KIAA1217: variants seen among roughly 807,000 people sequenced by gnomAD.
The protein encoded by KIAA1217 is KIAA1217.
A neutral mutation model predicts 163.9 loss-of-function variants in KIAA1217; 88 were observed. The observed-to-expected ratio is 0.54, with a 90% confidence interval of 0.45 to 0.64. KIAA1217 has a LOEUF of 0.64. Ranked by LOEUF, KIAA1217 falls within the 30% of genes least tolerant of loss-of-function variation. KIAA1217 has a pLI of 0.00. For missense variants in KIAA1217, 2,372 were observed against 2,475.0 expected (o/e 0.96, Z 0.88); for synonymous variants, 903 against 923.1 (o/e 0.98, Z 0.39).
chr10:23,917,916 G>A (rs1004607198), intron 1 of KIAA1217, among the ~76,000 whole-genome samples: 5 of 152,144 alleles, frequency 3.3e-5, no homozygotes, highest in Non-Finnish European at 4.4e-5. Flanking sequence ...ATGTATGTTC[G>A]TATAGAGAGA....
Position 23,970,711 on chromosome 10 carries a change from C to A in KIAA1217, c.-320-36514C>A, listed in dbSNP as rs142643096. ...GTGAATGTATACCCAAAATAAAATT[C>A]TAAGGCCACCAACCAACTGAATAGA... is the stretch of plus-strand genomic sequence containing the variant. On this transcript the variant is annotated intron_variant, in intron 1 of 18. Transcript: ENST00000376462. Among the ~76,000 whole-genome samples, 558 of 152,268 alleles carry A rather than the reference C, an allele frequency of 3.7e-3. 1 individual carries two copies. Among genetic ancestry groups the A allele is most frequent in the Non-Finnish European group, 6.2e-3 (423 of 68,010 alleles).
intron 2 of KIAA1217, among the ~76,000 whole-genome samples, chr10:24,240,323 A>G (rs1160953859): frequency 6.6e-6 from 1 of 152,248 alleles, no homozygotes; most frequent in East Asian, 1.9e-4. Flanking sequence ...GTTCAGAATC[A>G]TCGAAAGATA....
At chr10:24,179,496 T>C (rs1004888203) in intron 2 of KIAA1217, among the ~76,000 whole-genome samples, 9 of 152,238 alleles carry the variant, frequency 5.9e-5, no homozygotes, top group Non-Finnish European at 1.3e-4. Flanking sequence ...TCCTGAGGCC[T>C]CCCCAGCCAT....
intron 5 of KIAA1217, among the ~76,000 whole-genome samples, chr10:24,442,309 C>T (rs1269225588): frequency 6.6e-6 from 1 of 152,184 alleles, no homozygotes; most frequent in African/African-American, 2.4e-5. Flanking sequence ...ACTCTTCTTC[C>T]TCTTGCCTGT....
chr10:24,266,631 TC>T (rs2076261531), intron 2 of KIAA1217, among the ~76,000 whole-genome samples: 2 of 152,036 alleles, frequency 1.3e-5, no homozygotes, highest in African/African-American at 4.8e-5. Flanking sequence ...CAATTAGTGC[TC>T]TGTAAAACAC....
chr10:24,113,506 G>A (rs2062935619), intron 2 of KIAA1217, among the ~76,000 whole-genome samples: 1 of 152,212 alleles, frequency 6.6e-6, no homozygotes. Context: ...GATGAGTATT[G>A]TAGAAGATGA....
intron 1 of KIAA1217, among the ~76,000 whole-genome samples, chr10:23,947,285 A>G (rs1487635672): frequency 6.6e-6 from 1 of 152,222 alleles, no homozygotes; most frequent in East Asian, 1.9e-4. Context: ...ATTTATGACT[A>G]GAAGAAAAGA....
intron 1 of KIAA1217, among the ~76,000 whole-genome samples, chr10:23,822,422 G>T (rs1837664653): frequency 6.6e-6 from 1 of 152,122 alleles, no homozygotes; most frequent in African/African-American, 2.4e-5. Flanking sequence ...TATCAGAGTG[G>T]GAATTTGTGC....
chr10:23,933,723 C>G lies in KIAA1217; in HGVS notation c.-320-73502C>G, dbSNP rs751816303. On this transcript the variant is annotated intron_variant, in intron 1 of 18. Transcript: ENST00000376462. ...AAAAAAAATCCCATCAAAAAGAGGG[C>G]AAAGGATATGAACTGACACTTCTCA... Among the ~76,000 whole-genome samples, 110 of 152,036 alleles carry G rather than the reference C, an allele frequency of 7.2e-4. 1 individual carries two copies. The highest frequency in any genetic ancestry group is 2.6e-4 in the Admixed American group (4 of 15,266).
chr10:23,723,092 C>T (rs533527966), intron 1 of KIAA1217, among the ~76,000 whole-genome samples: 4 of 152,148 alleles, frequency 2.6e-5, no homozygotes, highest in African/African-American at 9.7e-5. Flanking sequence ...CACTGGCCAG[C>T]AGAAAGTAAT....
chr10:24,508,491 C>CTGA (rs1296668750), intron 9 of KIAA1217, among the ~76,000 whole-genome samples: 4 of 152,130 alleles, frequency 2.6e-5, no homozygotes, highest in African/African-American at 4.8e-5. Context: ...GTAGCAAGTT[C>CTGA]AGTATGGCTA....
intron 3 of KIAA1217, among the ~76,000 whole-genome samples, chr10:24,402,893 G>A (rs895780573): frequency 6.6e-6 from 1 of 152,214 alleles, no homozygotes; most frequent in African/African-American, 2.4e-5. Flanking sequence ...CACTTTGGGA[G>A]GCTGATGTGG....
intron 1 of KIAA1217, among the ~76,000 whole-genome samples, chr10:23,985,995 A>T (rs1367868216): frequency 1.3e-5 from 2 of 152,252 alleles, no homozygotes; most frequent in East Asian, 3.8e-4. Context: ...AGTGAGACAA[A>T]TAACACAATT....
chr10:24,272,185 A>G (rs956992086), intron 2 of KIAA1217, among the ~76,000 whole-genome samples: 66 of 152,298 alleles, frequency 4.3e-4, no homozygotes, highest in African/African-American at 1.5e-3. Context: ...ATGCAGTAAA[A>G]TTAGATAAGG....
At chr10:24,229,512 TTTTG>T (rs893578777) in intron 2 of KIAA1217, among the ~76,000 whole-genome samples, 4 of 152,320 alleles carry the variant, frequency 2.6e-5, no homozygotes, top group African/African-American at 9.6e-5. Flanking sequence ...TTTATTTTTA[TTTTG>T]TTTATTTATT....
In KIAA1217 at chr10:24,543,575, C is replaced by T. The variant is rs113019857; in HGVS notation, c.4305C>T (p.Val1435=). The change falls in exon 19 of 21, where the codon GTC becomes GTT. Residue 1435 remains valine (V), a synonymous_variant. Transcript: ENST00000376454. The stretch of plus-strand genomic sequence containing the variant: ...AAGGGACTGACAATGAGGATCCAGT[C>T]GTGTGCCTGGACAAGAAACCAGTGA... The part of the protein sequence containing the change: ...RQEGTDNEDP[V]VCLDKKPVII... 129 of 1,614,092 alleles carry T rather than the reference C, an allele frequency of 8.0e-5. No individual in the cohort carries two copies. In the African/African-American group the frequency reaches 1.2e-3, roughly 15 times the overall value.
At chr10:23,948,668 GTTTGGT>G (rs376845692) in intron 1 of KIAA1217, among the ~76,000 whole-genome samples, 301 of 152,164 alleles carry the variant, frequency 2.0e-3, no homozygotes, top group African/African-American at 7.0e-3. Flanking sequence ...TTTTAGTTTT[GTTTGGT>G]TTTGGTTTTT....
At chr10:23,765,453 G>T (rs1374350863) in intron 1 of KIAA1217, among the ~76,000 whole-genome samples, 4 of 152,034 alleles carry the variant, frequency 2.6e-5, no homozygotes, top group Non-Finnish European at 4.4e-5. Flanking sequence ...GATTACAGGT[G>T]TGAGCCACCA....
chr10:24,092,928 T>TGTGTG (rs548350322), intron 2 of KIAA1217, among the ~76,000 whole-genome samples: 1,778 of 141,032 alleles, frequency 0.013, 71 homozygotes, highest in African/African-American at 0.047. Flanking sequence ...TGTGTGTGTG[T>TGTGTG]TGTGTGTGTG....
Sources: gnomAD v4.1 joint callset for allele counts (sites outside exome capture counted in the v4.1 genomes callset) on GRCh38, gnomAD v4.1.1 for gene constraint, MANE v1.5 for transcripts, NCBI Gene and HGNC (gene_info 2026-07-23, HGNC 2026-07-21) for gene names.